Variants in APOC4 observed in about 807,000 individuals in gnomAD.
APOC4 encodes the protein apolipoprotein C4, also known as apolipoprotein C-IV.
APOC4 carries 10 observed loss-of-function variants against 8.4 expected under a neutral mutation model. The observed-to-expected ratio is 1.19, with a 90% CI of 0.74 to 2.03. APOC4 has a LOEUF of 2.03. Among genes scored for constraint, APOC4 ranks in the 30% most tolerant of loss-of-function variants. APOC4 has a pLI of 0.00. For missense variants in APOC4, 160 were observed against 156.1 expected (o/e 1.02, Z -0.13); for synonymous variants, 59 against 65.8 (o/e 0.90, Z 0.50).
In APOC4 at chr19:44,945,333, T is replaced by C. The variant is rs1568633068; in HGVS notation, c.*28T>C. 2.5e-6 allele frequency: 4 copies of C among 1,598,488 alleles called. No individual in the cohort carries two copies. Among genetic ancestry groups the C allele is most frequent in the Non-Finnish European group, 3.4e-6 (4 of 1,174,056 alleles). ...TGTTCATAAAAGCCAGGTGTGGTTG[T>C]GGCGGGTGCCTGTAGTCCCAGCTAC... On this transcript the variant is annotated 3_prime_UTR_variant, in exon 3 of 3. Transcript: ENST00000592954.
intron 1 of APOC4, 97 bp from the exon 2 acceptor site, chr19:44,944,651 CT>C: frequency 6.9e-7 from 1 of 1,455,554 alleles, no homozygotes; most frequent in Non-Finnish European, 9.1e-7. Flanking sequence ...GGGGCTGCCC[CT>C]GGGCCACCGG....
intron 1 of APOC4, among the ~76,000 whole-genome samples, chr19:44,943,315 C>T (rs1190774363): frequency 3.3e-5 from 5 of 151,532 alleles, no homozygotes; most frequent in African/African-American, 7.3e-5. Context: ...GTGATCCGCC[C>T]GCCTTGGCCT....
chr19:44,944,652 T>G, intron 1 of APOC4, 97 bp from the exon 2 acceptor site: 1 of 1,455,170 alleles, frequency 6.9e-7, no homozygotes, highest in Non-Finnish European at 9.1e-7. Flanking sequence ...GGGCTGCCCC[T>G]GGGCCACCGG....
intron 2 of APOC4, 31 bp downstream of exon 2, chr19:44,944,921 G>A (rs1210365963): frequency 4.4e-6 from 7 of 1,583,272 alleles, no homozygotes; most frequent in African/African-American, 1.3e-5. Flanking sequence ...GTGGTGGGAG[G>A]GGACTCCTGG....
chr19:44,943,703 G>C (rs1290900031), intron 1 of APOC4, among the ~76,000 whole-genome samples: 1 of 151,908 alleles, frequency 6.6e-6, no homozygotes, highest in Non-Finnish European at 1.5e-5. Flanking sequence ...TTCCAACCTG[G>C]GTGACAGAGC....
rs373300132 is a variant in APOC4, at chr19:44,943,702, G to C, written c.77-1047G>C. On this transcript the variant is annotated intron_variant, in intron 1 of 2. Transcript: ENST00000592954. ...AGATCGCGCCACTGCATTCCAACCT[G>C]GGTGACAGAGCGAGACTCCGTCTGA... 1.8e-4 allele frequency among the ~76,000 whole-genome samples: 28 copies of C among 152,048 alleles called. 1 individual carries two copies. In the South Asian group the frequency reaches 5.8e-3, roughly 32 times the overall value.
chr19:44,944,218 G>T (rs1391180231), intron 1 of APOC4, among the ~76,000 whole-genome samples: 2 of 152,136 alleles, frequency 1.3e-5, no homozygotes, highest in African/African-American at 4.8e-5. Flanking sequence ...AGGGTGACAG[G>T]AGGGACTACT....
At chr19:44,944,689 A>G in intron 1 of APOC4, 60 bp from the exon 2 acceptor site, 2 of 1,536,342 alleles carry the variant, frequency 1.3e-6, no homozygotes, top group South Asian at 1.3e-5. Context: ...GCATGGAGGG[A>G]AAGGGAGAAG....
chr19:44,945,256 C>T lies in APOC4; in HGVS notation c.335C>T (p.Thr112Ile). The T allele has an allele frequency of 6.2e-7, 1 of 1,613,998 alleles. No individual in the cohort carries two copies. The highest frequency in any genetic ancestry group is 8.5e-7 in the Non-Finnish European group (1 of 1,180,000). The change falls in exon 3 of 3, where the codon ACC becomes ATC. Residue 112 changes from threonine to isoleucine, a missense_variant. Coordinates refer to ENST00000592954, the MANE Select transcript of APOC4 (RefSeq NM_001646.3). Reference sequence around the variant, plus strand: ...TCCAAAGACAGCCTCTTGAAGAAGACCCACAGCCTGTGCCCCAGGCTTGTC... The same window carrying T: ...TCCAAAGACAGCCTCTTGAAGAAGATCCACAGCCTGTGCCCCAGGCTTGTC... The part of the protein sequence containing the change: ...LESKDSLLKK[T>I]HSLCPRLVCG...
rs1012182740 is a variant in APOC4, at chr19:44,945,198, C to A, written c.277C>A (p.Leu93Met). The change falls in exon 3 of 3, where the codon CTG becomes ATG. Residue 93 changes from leucine to methionine, a missense_variant. Transcript: ENST00000592954. Reference sequence around the variant, plus strand: ...CTACTATGACGACCACCTGAGGGACCTGGGTCCGCTCACCAAGGCCTGGTT... The same window carrying A: ...CTACTATGACGACCACCTGAGGGACATGGGTCCGCTCACCAAGGCCTGGTT... The part of the protein sequence containing the change: ...QTYYDDHLRD[L>M]GPLTKAWFLE... 18 of 1,613,984 alleles carry A rather than the reference C, an allele frequency of 1.1e-5. No homozygotes were observed. In the Admixed American group the frequency reaches 3.0e-4, roughly 27 times the overall value.
At chr19:44,943,910 C>T (rs1235970069) in intron 1 of APOC4, among the ~76,000 whole-genome samples, 2 of 152,206 alleles carry the variant, frequency 1.3e-5, no homozygotes, top group African/African-American at 2.4e-5. Flanking sequence ...CAGCTAGCTA[C>T]ATGTGGCCCC....
At chr19:44,943,877 G>A (rs1970286799) in intron 1 of APOC4, among the ~76,000 whole-genome samples, 1 of 152,246 alleles carries the variant, frequency 6.6e-6, no homozygotes, top group Admixed American at 6.5e-5. Flanking sequence ...GGGGAGACAG[G>A]ATAAGTCACC....
chr19:44,942,673 T>C (rs1031376858), intron 1 of APOC4, among the ~76,000 whole-genome samples: 14 of 151,986 alleles, frequency 9.2e-5, no homozygotes, highest in African/African-American at 2.9e-4. Flanking sequence ...GGGGTATGTG[T>C]GTGCAAAATA....
In APOC4 at chr19:44,944,909, G is replaced by A. The variant is rs769704371; in HGVS notation, c.218+19G>A. 6.3e-7 allele frequency: 1 copy of A among 1,594,050 alleles called. No homozygotes were observed. The highest frequency in any genetic ancestry group is 1.8e-5 in the Admixed American group (1 of 55,102). On this transcript the variant is annotated intron_variant, in intron 2 of 2. Coordinates refer to ENST00000592954, the MANE Select transcript of APOC4 (RefSeq NM_001646.3). Reference sequence around the variant, plus strand: ...GGTTCTGGTGAGGGTGTGCTGGGCTGGGTGGTGGGAGGGGACTCCTGGGTC... The same window carrying A: ...GGTTCTGGTGAGGGTGTGCTGGGCTAGGTGGTGGGAGGGGACTCCTGGGTC...
chr19:44,944,695 A>C, intron 1 of APOC4, 54 bp from the exon 2 acceptor site: 1 of 1,555,864 alleles, frequency 6.4e-7, no homozygotes, highest in Non-Finnish European at 8.7e-7. Context: ...AGGGAAAGGG[A>C]GAAGGGGATT....
chr19:44,943,471 C>A (rs1282549985), intron 1 of APOC4, among the ~76,000 whole-genome samples: 1 of 151,690 alleles, frequency 6.6e-6, no homozygotes. Context: ...TGCCTGTAAT[C>A]CCAGCACTTT....
In APOC4 at chr19:44,945,413, G is replaced by A; in HGVS notation, c.*108G>A. The A allele has an allele frequency of 1.8e-6, 2 of 1,134,996 alleles. No homozygotes were observed. Among genetic ancestry groups the A allele is most frequent in the Non-Finnish European group, 2.5e-6 (2 of 802,202 alleles). The allele number at this position is 1,134,996 out of a possible 1,614,324, so 70.3% of individuals were successfully genotyped here. A position where few individuals can be genotyped will look rare whatever the true frequency, so the allele number is the denominator to read the frequency against. ...AGCCCAGGAGTTCGAGACCAGCCTG[G>A]GCAACACAGCGAGATCTCTTGGGGG... On this transcript the variant is annotated 3_prime_UTR_variant, in exon 3 of 3. Transcript: ENST00000592954.
intron 1 of APOC4, 34 bp downstream of exon 1, chr19:44,942,387 A>C: frequency 6.2e-7 from 1 of 1,603,512 alleles, no homozygotes; most frequent in Non-Finnish European, 8.5e-7. Flanking sequence ...TGTGGGGCCC[A>C]CACCTGGTGG....
intron 1 of APOC4, 87 bp downstream of exon 1, chr19:44,942,440 A>T: frequency 1.5e-6 from 2 of 1,336,382 alleles, no homozygotes; most frequent in Non-Finnish European, 2.1e-6. Context: ...TAGCCACGTG[A>T]GACATGAGTA....
Sources: allele counts gnomAD v4.1 joint callset (sites outside exome capture counted in the v4.1 genomes callset), GRCh38; gene constraint gnomAD v4.1.1; transcripts MANE v1.5; gene names NCBI Gene and HGNC (gene_info 2026-07-23, HGNC 2026-07-21).